Variants in PPM1E observed in about 807,000 individuals in gnomAD.
PPM1E encodes the protein protein phosphatase, Mg2+/Mn2+ dependent 1E, also known as protein phosphatase 1E.
PPM1E carries 20 observed loss-of-function variants against 65.9 expected under a neutral mutation model. The observed-to-expected ratio is 0.30, with a 90% CI of 0.21 to 0.44. The LOEUF is 0.44. PPM1E is among the 20% of genes least tolerant of loss of function. PPM1E has a pLI of 1.00. For synonymous variants in PPM1E, 352 were observed against 374.9 expected, an observed-to-expected ratio of 0.94 and a Z score of 0.70; for missense variants, 713 against 953.1, an observed-to-expected ratio of 0.75 and a Z score of 3.32.
At chr17:58,933,403 G>A (rs1057343960) in intron 1 of PPM1E, among the ~76,000 whole-genome samples, 18 of 152,028 alleles carry the variant, frequency 1.2e-4, no homozygotes, top group African/African-American at 4.1e-4. Context: ...GCAAGAAATC[G>A]GAAACAACTA....
In PPM1E at chr17:58,833,434, G is replaced by A. The variant is rs2050624057; in HGVS notation, c.464+76973G>A. On this transcript the variant is annotated intron_variant, in intron 1 of 6. Transcript: ENST00000308249. ...CTATTGTTGCCGTTTTTATGTCCAT[G>A]AGTACCCCATGTTTAGCTCCCACTT... Among the ~76,000 whole-genome samples the A allele has an allele frequency of 4.6e-5, 7 of 151,306 alleles. No individual in the cohort carries two copies. The Admixed American group carries it at 4.6e-4, about 10-fold the overall frequency.
intron 1 of PPM1E, among the ~76,000 whole-genome samples, chr17:58,772,627 C>T (rs1598561143): frequency 6.6e-6 from 1 of 152,014 alleles, no homozygotes; most frequent in South Asian, 2.1e-4. Flanking sequence ...GAGACATTAC[C>T]ATGTGCAAAG....
chr17:58,864,626 C>T (rs966572043), intron 1 of PPM1E, among the ~76,000 whole-genome samples: 5 of 151,294 alleles, frequency 3.3e-5, no homozygotes, highest in African/African-American at 7.3e-5. Context: ...GGCGACAGAG[C>T]GAGACTCCAT....
intron 1 of PPM1E, among the ~76,000 whole-genome samples, chr17:58,813,703 A>G (rs1024698078): frequency 1.3e-5 from 2 of 152,270 alleles, no homozygotes; most frequent in African/African-American, 4.8e-5. Flanking sequence ...ACTAAGTTAC[A>G]CAGAGGAGTT....
At chr17:58,938,003 A>G (rs1451110129) in intron 1 of PPM1E, among the ~76,000 whole-genome samples, 2 of 152,202 alleles carry the variant, frequency 1.3e-5, no homozygotes, top group East Asian at 3.8e-4. Context: ...AAATAAATAT[A>G]CATTTAATGT....
In PPM1E at chr17:58,985,074, G is replaced by T. The variant is rs965117153; in HGVS notation, c.*4043G>T. ...CTACATCTCACTTTTGAGTTCAGTT[G>T]TAGTCATGAGTGATCCTTCATATTT... On this transcript the variant is annotated 3_prime_UTR_variant, in exon 7 of 7. Coordinates refer to ENST00000308249, the MANE Select transcript of PPM1E (RefSeq NM_014906.5). 7 of 152,626 alleles carry T rather than the reference G, an allele frequency of 4.6e-5. No homozygotes were observed. The highest frequency in any genetic ancestry group is 8.8e-5 in the Non-Finnish European group (6 of 68,044). 9.5% of individuals were successfully genotyped at this position (152,626 alleles called of 1,614,324 possible).
chr17:58,796,574 T>C lies in PPM1E; in HGVS notation c.464+40113T>C, dbSNP rs9914191. On this transcript the variant is annotated intron_variant, in intron 1 of 6. Coordinates refer to ENST00000308249, the MANE Select transcript of PPM1E (RefSeq NM_014906.5). ...CGTGAGCCACTGTGCTTGGCCTCTATGGCACTTTAATTTGACATTGACCTT... is the reference window on the plus strand; with the variant it reads ...CGTGAGCCACTGTGCTTGGCCTCTACGGCACTTTAATTTGACATTGACCTT... 9.3e-4 allele frequency among the ~76,000 whole-genome samples: 141 copies of C among 152,154 alleles called. 1 individual carries two copies. Among genetic ancestry groups the C allele is most frequent in the African/African-American group, 3.3e-3 (138 of 41,496 alleles).
chr17:58,817,352 CA>C (rs1323401116), intron 1 of PPM1E, among the ~76,000 whole-genome samples: 1 of 152,120 alleles, frequency 6.6e-6, no homozygotes, highest in East Asian at 1.9e-4. Context: ...CAAACGTTTT[CA>C]CAGTGGCATG....
chr17:58,790,242 T>G (rs1403894686), intron 1 of PPM1E, among the ~76,000 whole-genome samples: 1 of 152,080 alleles, frequency 6.6e-6, no homozygotes, highest in Non-Finnish European at 1.5e-5. Flanking sequence ...TTTTTTTTTT[T>G]TTGGATAGCC....
intron 1 of PPM1E, among the ~76,000 whole-genome samples, chr17:58,805,896 T>C (rs2143071355): frequency 7.1e-6 from 1 of 140,142 alleles, no homozygotes; most frequent in Non-Finnish European, 1.5e-5. Flanking sequence ...TGTTTCAATA[T>C]GGATCCAGAC....
intron 1 of PPM1E, among the ~76,000 whole-genome samples, chr17:58,903,747 T>C (rs1201364899): frequency 6.6e-6 from 1 of 152,232 alleles, no homozygotes; most frequent in Non-Finnish European, 1.5e-5. Flanking sequence ...AATCTGTATT[T>C]GTGAATAATT....
chr17:58,931,345 C>T (rs1010189663), intron 1 of PPM1E, among the ~76,000 whole-genome samples: 1 of 143,908 alleles, frequency 6.9e-6, no homozygotes, highest in Admixed American at 6.9e-5. Flanking sequence ...GAGATCATGC[C>T]ATTGCACTCC....
Position 58,981,190 on chromosome 17 carries a change from G to C in PPM1E, c.*159G>C. The C allele has an allele frequency of 1.7e-6, 1 of 599,438 alleles. No homozygotes were observed. The allele number at this position is 599,438 out of a possible 1,614,324, so 37.1% of individuals were successfully genotyped here. A position where few individuals can be genotyped will look rare whatever the true frequency, so the allele number is the denominator to read the frequency against. On this transcript the variant is annotated 3_prime_UTR_variant, in exon 7 of 7. Coordinates refer to ENST00000308249, the MANE Select transcript of PPM1E (RefSeq NM_014906.5). ...AGATCTCTAGGAAACTCAAAGTACA[G>C]TGTTTTCAATCTAAAAAGAAGTATT...
intron 1 of PPM1E, among the ~76,000 whole-genome samples, chr17:58,853,810 G>A (rs2050853709): frequency 6.6e-6 from 1 of 151,978 alleles, no homozygotes; most frequent in Non-Finnish European, 1.5e-5. Flanking sequence ...CAGCCTGGAC[G>A]ACAGAGTGAG....
At chr17:58,773,992 T>G (rs951274265) in intron 1 of PPM1E, among the ~76,000 whole-genome samples, 2 of 152,014 alleles carry the variant, frequency 1.3e-5, no homozygotes, top group African/African-American at 4.8e-5. Context: ...TGAAACCCTG[T>G]CTCTACTAAA....
chr17:58,881,519 C>T (rs1449648597), intron 1 of PPM1E, among the ~76,000 whole-genome samples: 1 of 151,882 alleles, frequency 6.6e-6, no homozygotes, highest in Admixed American at 6.6e-5. Context: ...AAAAATTAGC[C>T]GGGTGTGGTG....
intron 1 of PPM1E, among the ~76,000 whole-genome samples, chr17:58,886,306 T>G (rs536373384): frequency 2.0e-4 from 31 of 152,228 alleles, no homozygotes; most frequent in Admixed American, 4.6e-4. Flanking sequence ...TTAACTATAC[T>G]ATTTAATTAT....
At chr17:58,928,659 A>G (rs910708450) in intron 1 of PPM1E, among the ~76,000 whole-genome samples, 1 of 151,940 alleles carries the variant, frequency 6.6e-6, no homozygotes, top group African/African-American at 2.4e-5. Context: ...GTATTTGCCC[A>G]AGAAAAATGA....
intron 4 of PPM1E, 140 bp downstream of exon 4, chr17:58,969,867 T>A: frequency 1.3e-6 from 1 of 793,216 alleles, no homozygotes; most frequent in Non-Finnish European, 2.0e-6. Flanking sequence ...AGTATTGGAT[T>A]CTGTTGTAGT....
Sources: allele counts gnomAD v4.1 joint callset (sites outside exome capture counted in the v4.1 genomes callset), GRCh38; gene constraint gnomAD v4.1.1; transcripts MANE v1.5; gene names NCBI Gene and HGNC (gene_info 2026-07-23, HGNC 2026-07-21).